Variants in ROBO1 observed in about 807,000 individuals in gnomAD.
ROBO1 encodes roundabout guidance receptor 1, also known as roundabout homolog 1.
A neutral mutation model predicts 195.9 loss-of-function variants in ROBO1; 149 were observed. The ratio of observed to expected loss-of-function variants is 0.76; its 90% CI spans 0.67 to 0.87. The LOEUF is 0.87. Among genes scored for constraint, ROBO1 ranks in the 40% least tolerant of loss-of-function variants. ROBO1 has a pLI of 0.00. For missense variants in ROBO1, 1,933 were observed against 2,068.3 expected, an observed-to-expected ratio of 0.93 and a Z score of 1.27; for synonymous variants, 816 against 733.2, an observed-to-expected ratio of 1.11 and a Z score of -1.82.
intron 2 of ROBO1, among the ~76,000 whole-genome samples, chr3:79,297,988 A>G (rs1576939711): frequency 6.6e-6 from 1 of 152,128 alleles, no homozygotes. Context: ...TTCTAAAGAG[A>G]AAGTTCAATG....
At position 78,699,960 on chromosome 3, in the gene ROBO1, C is replaced by A. The variant is rs566588589; in HGVS notation, c.1046-11188G>T. Among the ~76,000 whole-genome samples, 10 of 152,240 alleles carry A rather than the reference C, an allele frequency of 6.6e-5. No individual in the cohort carries two copies. The East Asian group carries it at 1.2e-3, about 18-fold the overall frequency. ...ATCATATCAGAATGCTACCTATTTT[C>A]ATAGCAATCTTAACTTTCCTCTCAG... On this transcript the variant is annotated intron_variant, in intron 8 of 30. Transcript: ENST00000464233.
At position 78,960,779 on chromosome 3, in the gene ROBO1, AACACACACACACAC is replaced by A. The variant is rs751349324; in HGVS notation, c.173-21866_173-21853del. Reference sequence around the variant, plus strand: ...GCAACGAAGCGAGACTCCGTATTAAAACACACACACACACACACACACACACACACACACACACA... The same window carrying A: ...GCAACGAAGCGAGACTCCGTATTAAAACACACACACACACACACACACACA... On this transcript the variant is annotated intron_variant, in intron 3 of 30. Transcript: ENST00000464233. Among the ~76,000 whole-genome samples, 564 of 124,594 alleles carry A rather than the reference AACACACACACACAC, an allele frequency of 4.5e-3. 2 individuals carry two copies. Among genetic ancestry groups the A allele is most frequent in the African/African-American group, 0.01 (331 of 32,234 alleles). The allele number at this position is 124,594 out of a possible 152,430, so 81.7% of individuals were successfully genotyped here.
intron 4 of ROBO1, among the ~76,000 whole-genome samples, chr3:78,797,197 T>C (rs908858111): frequency 2.0e-5 from 3 of 152,170 alleles, no homozygotes; most frequent in African/African-American, 7.2e-5. Context: ...TTTAAATGAG[T>C]GTACCATGAC....
chr3:79,666,136 A>G (rs1042039491), intron 1 of ROBO1, among the ~76,000 whole-genome samples: 3 of 152,124 alleles, frequency 2.0e-5, no homozygotes, highest in Middle Eastern at 6.8e-3. Context: ...AATGTACTCT[A>G]CAACACCTGG....
intron 2 of ROBO1, among the ~76,000 whole-genome samples, chr3:79,275,011 A>G (rs2030909159): frequency 6.6e-6 from 1 of 151,992 alleles, no homozygotes; most frequent in Admixed American, 6.6e-5. Context: ...CAGCAGAGAA[A>G]TGCTCAGGAC....
At chr3:78,829,837 CA>C (rs2031987920) in intron 4 of ROBO1, among the ~76,000 whole-genome samples, 1 of 152,062 alleles carries the variant, frequency 6.6e-6, no homozygotes, top group Non-Finnish European at 1.5e-5. Flanking sequence ...GCTGTATGAA[CA>C]TATTTCATGA....
chr3:79,382,902 GT>G (rs2036620842), intron 2 of ROBO1, among the ~76,000 whole-genome samples: 1 of 152,106 alleles, frequency 6.6e-6, no homozygotes, highest in South Asian at 2.1e-4. Flanking sequence ...TACTTCAGCT[GT>G]TTTCCTCTTA....
At chr3:78,813,268 T>C (rs1559882674) in intron 4 of ROBO1, among the ~76,000 whole-genome samples, 1 of 151,726 alleles carries the variant, frequency 6.6e-6, no homozygotes, top group East Asian at 1.9e-4. Context: ...ACACACCACT[T>C]TGATAACAAA....
intron 1 of ROBO1, among the ~76,000 whole-genome samples, chr3:79,611,454 A>G (rs1465599125): frequency 1.3e-5 from 2 of 152,092 alleles, no homozygotes; most frequent in African/African-American, 2.4e-5. Flanking sequence ...AAATATGAGA[A>G]TAAGAAAGAA....
At chr3:78,974,673 G>A (rs1051471027) in intron 3 of ROBO1, among the ~76,000 whole-genome samples, 7 of 152,120 alleles carry the variant, frequency 4.6e-5, no homozygotes, top group African/African-American at 1.7e-4. Context: ...TCCCAGAAGG[G>A]ACAGCTGGGT....
chr3:79,588,813 A>G (rs1943908902), intron 2 of ROBO1, among the ~76,000 whole-genome samples: 1 of 151,720 alleles, frequency 6.6e-6, no homozygotes, highest in African/African-American at 2.4e-5. Flanking sequence ...GTATTCTTCA[A>G]TCATGTGAAA....
intron 1 of ROBO1, among the ~76,000 whole-genome samples, chr3:79,649,073 C>T (rs12330521): frequency 0.57 from 86,703 of 151,830 alleles, 25,003 homozygotes; most frequent in South Asian, 0.67. Flanking sequence ...TTTTAAAATC[C>T]TCAATGTCAA....
chr3:79,271,613 G>C (rs548079263), intron 2 of ROBO1, among the ~76,000 whole-genome samples: 2 of 151,954 alleles, frequency 1.3e-5, no homozygotes, highest in Admixed American at 1.3e-4. Context: ...GCTACTGACT[G>C]TCTCCTATAT....
intron 2 of ROBO1, among the ~76,000 whole-genome samples, chr3:79,260,784 A>G (rs1442307703): frequency 2.0e-5 from 3 of 152,132 alleles, no homozygotes; most frequent in African/African-American, 7.2e-5. Flanking sequence ...GGGAGCAATC[A>G]CAATTTTTTA....
chr3:79,651,806 G>T (rs1483909413), intron 1 of ROBO1, among the ~76,000 whole-genome samples: 1 of 152,096 alleles, frequency 6.6e-6, no homozygotes, highest in African/African-American at 2.4e-5. Context: ...ATTTGTGCAT[G>T]ACTGAAAAAT....
intron 24 of ROBO1, among the ~76,000 whole-genome samples, 186 bp downstream of exon 24, chr3:78,633,749 A>T (rs1219311537): frequency 6.6e-6 from 1 of 152,194 alleles, no homozygotes; most frequent in Non-Finnish European, 1.5e-5. Context: ...TGCCAAATAG[A>T]ACATAAAATG....
intron 2 of ROBO1, among the ~76,000 whole-genome samples, chr3:79,148,132 CTCT>C: frequency 1.3e-5 from 2 of 151,924 alleles, no homozygotes; most frequent in Middle Eastern, 6.8e-3. Context: ...TGATTCCTCC[CTCT>C]TCTTTGAGAG....
At chr3:78,647,568 C>T (rs894474554) in intron 20 of ROBO1, 61 bp downstream of exon 20, 1 of 1,474,998 alleles carries the variant, frequency 6.8e-7, no homozygotes, top group African/African-American at 1.4e-5. Flanking sequence ...AACAGAAACA[C>T]AATAGTGGAA....
rs548683267 is a variant in ROBO1 at position 79,504,787 on chromosome 3, A to G, written c.88+85037T>C. On this transcript the variant is annotated intron_variant, in intron 2 of 30. Coordinates refer to ENST00000464233, the MANE Select transcript of ROBO1 (RefSeq NM_002941.4). Reference sequence around the variant, plus strand: ...CAGGCAGATATCCATAACTGCAACAATTTTACCAGTAATACATAATGTTTC... The same window carrying G: ...CAGGCAGATATCCATAACTGCAACAGTTTTACCAGTAATACATAATGTTTC... Among the ~76,000 whole-genome samples, 310 of 152,214 alleles carry G rather than the reference A, an allele frequency of 2.0e-3. 2 individuals are homozygous for G. Among genetic ancestry groups the G allele is most frequent in the Non-Finnish European group, 3.3e-3 (221 of 67,998 alleles).
Sources: allele counts gnomAD v4.1 joint callset (sites outside exome capture counted in the v4.1 genomes callset), GRCh38; gene constraint gnomAD v4.1.1; transcripts MANE v1.5; gene names NCBI Gene and HGNC (gene_info 2026-07-23, HGNC 2026-07-21).